The following SLC9A8 variants were observed in gnomAD, a reference collection of about 807,000 sequenced individuals.
SLC9A8 encodes the protein sodium/hydrogen exchanger 8.
SLC9A8 carries 48 observed loss-of-function variants against 66.6 expected under a neutral mutation model. That is an observed-to-expected ratio of 0.72 (90% confidence interval 0.57 to 0.92). The LOEUF (loss-of-function observed/expected upper bound fraction) is 0.92, where lower values mean the gene tolerates loss of function less well. SLC9A8 is among the 40% of genes least tolerant of loss of function. The pLI, the probability that SLC9A8 is intolerant of heterozygous loss-of-function variation, is 0.00. For missense variants in SLC9A8, 599 were observed against 747.3 expected (o/e 0.80, Z 2.31); for synonymous variants, 274 against 282.6 (o/e 0.97, Z 0.31).
At chr20:49,815,358 CTCT>C (rs1378429289) in intron 2 of SLC9A8, 169 bp downstream of exon 2, 6 of 444,400 alleles carry the variant, frequency 1.4e-5, no homozygotes, top group African/African-American at 8.1e-5. Context: ...ACAGGAAACT[CTCT>C]TCTTTATAAA....
At chr20:49,875,352 A>G (rs1474376128) in intron 11 of SLC9A8, among the ~76,000 whole-genome samples, 1 of 152,174 alleles carries the variant, frequency 6.6e-6, no homozygotes, top group African/African-American at 2.4e-5. Context: ...CTGGTTAAAT[A>G]AAGTTTAACA....
chr20:49,827,022 A>T (rs1387439499), intron 3 of SLC9A8, among the ~76,000 whole-genome samples: 1 of 150,466 alleles, frequency 6.6e-6, no homozygotes, highest in Non-Finnish European at 1.5e-5. Flanking sequence ...GCGCACTGCA[A>T]CCTCCGCCCC....
At position 49,819,977 on chromosome 20, in the gene SLC9A8, T is replaced by C. The variant is rs185325448; in HGVS notation, c.209-3084T>C. 2.0e-5 allele frequency among the ~76,000 whole-genome samples: 3 copies of C among 152,354 alleles called. No individual in the cohort carries two copies. The East Asian group carries it at 5.8e-4, about 29-fold the overall frequency. Reference sequence around the variant, plus strand: ...TGGATTGTTTCTACCTTTTGGCTGTTGTGAATACTGCTGCTGTGAACATTT... The same window carrying C: ...TGGATTGTTTCTACCTTTTGGCTGTCGTGAATACTGCTGCTGTGAACATTT... On this transcript the variant is annotated intron_variant, in intron 2 of 15. Transcript: ENST00000361573.
chr20:49,843,964 C>G (rs1355326186), intron 4 of SLC9A8, among the ~76,000 whole-genome samples: 1 of 146,452 alleles, frequency 6.8e-6, no homozygotes, highest in Non-Finnish European at 1.5e-5. Context: ...CCCCCCCTTT[C>G]TTCCTCTCTT....
At chr20:49,885,969 G>A (rs934452262) in intron 14 of SLC9A8, among the ~76,000 whole-genome samples, 2 of 152,216 alleles carry the variant, frequency 1.3e-5, no homozygotes, top group African/African-American at 4.8e-5. Context: ...GGTGGCTGCG[G>A]TGGGCTCAGT....
chr20:49,831,496 C>T (rs2146513628), intron 3 of SLC9A8, among the ~76,000 whole-genome samples: 1 of 152,140 alleles, frequency 6.6e-6, no homozygotes, highest in East Asian at 1.9e-4. Flanking sequence ...TTTTTTTCTT[C>T]TTCCAAGCTT....
chr20:49,850,658 G>A, intron 6 of SLC9A8, 152 bp from the exon 7 acceptor site: 1 of 871,506 alleles, frequency 1.1e-6, no homozygotes, highest in Non-Finnish European at 1.7e-6. Flanking sequence ...TTCAACTAAG[G>A]CTTAGGAGCT....
At chr20:49,828,800 C>CT (rs1326323865) in intron 3 of SLC9A8, among the ~76,000 whole-genome samples, 5 of 151,646 alleles carry the variant, frequency 3.3e-5, no homozygotes, top group Non-Finnish European at 7.4e-5. Flanking sequence ...GATTGTGCCA[C>CT]TGCACTCCAG....
intron 13 of SLC9A8, among the ~76,000 whole-genome samples, chr20:49,883,416 T>G (rs942320117): frequency 6.6e-6 from 1 of 152,170 alleles, no homozygotes; most frequent in African/African-American, 2.4e-5. Context: ...CTCATCTGTG[T>G]GTTGTGGACA....
intron 5 of SLC9A8, among the ~76,000 whole-genome samples, chr20:49,847,382 C>CTTTTT (rs11334417): frequency 1.1e-4 from 12 of 113,920 alleles, no homozygotes; most frequent in African/African-American, 1.7e-4. Context: ...TTTTTCTTTT[C>CTTTTT]TTTTTTTTTT....
chr20:49,880,531 A>G (rs534628628), intron 12 of SLC9A8, among the ~76,000 whole-genome samples: 4 of 152,278 alleles, frequency 2.6e-5, no homozygotes, highest in Admixed American at 2.6e-4. Flanking sequence ...GGTATGATCA[A>G]TGCAGCCCTG....
chr20:49,844,661 A>G (rs956611114), intron 4 of SLC9A8, among the ~76,000 whole-genome samples: 33 of 146,238 alleles, frequency 2.3e-4, no homozygotes, highest in African/African-American at 7.7e-4. Context: ...TTAGCCCGGC[A>G]TGGTAGCACG....
At chr20:49,846,290 A>G (rs2087986277) in intron 5 of SLC9A8, among the ~76,000 whole-genome samples, 1 of 152,196 alleles carries the variant, frequency 6.6e-6, no homozygotes, top group Non-Finnish European at 1.5e-5. Context: ...TACTAGTATT[A>G]ATAATACAGC....
chr20:49,835,370 A>G (rs1395452984), intron 3 of SLC9A8, among the ~76,000 whole-genome samples: 1 of 152,190 alleles, frequency 6.6e-6, no homozygotes, highest in Non-Finnish European at 1.5e-5. Context: ...TTCACATATC[A>G]TAAATTTCAC....
At chr20:49,835,551 A>T (rs373570771) in intron 3 of SLC9A8, among the ~76,000 whole-genome samples, 1 of 151,904 alleles carries the variant, frequency 6.6e-6, no homozygotes, top group African/African-American at 2.4e-5. Context: ...GAAACCACCA[A>T]TCTACTTTCT....
intron 13 of SLC9A8, among the ~76,000 whole-genome samples, chr20:49,882,602 C>G (rs896230178): frequency 3.9e-5 from 6 of 152,236 alleles, no homozygotes; most frequent in African/African-American, 1.4e-4. Context: ...CCCGCGAACC[C>G]AGACCTCCCT....
chr20:49,877,107 G>A (rs918868646), intron 11 of SLC9A8, among the ~76,000 whole-genome samples: 1 of 147,776 alleles, frequency 6.8e-6, no homozygotes, highest in Non-Finnish European at 1.5e-5. Flanking sequence ...GGCCAACACA[G>A]TGAAACCCTG....
At chr20:49,826,329 A>T (rs1413615392) in intron 3 of SLC9A8, among the ~76,000 whole-genome samples, 1 of 152,238 alleles carries the variant, frequency 6.6e-6, no homozygotes, top group African/African-American at 2.4e-5. Flanking sequence ...AAATATTGAG[A>T]TATCTACCAT....
intron 15 of SLC9A8, 103 bp from the exon 16 acceptor site, chr20:49,887,726 A>G: frequency 1.2e-6 from 1 of 829,708 alleles, no homozygotes; most frequent in Non-Finnish European, 1.9e-6. Context: ...CCTGCCTCCC[A>G]CCTCCTCCCT....
Sources: allele counts gnomAD v4.1 joint callset (sites outside exome capture counted in the v4.1 genomes callset), GRCh38; gene constraint gnomAD v4.1.1; transcripts MANE v1.5; gene names NCBI Gene and HGNC (gene_info 2026-07-23, HGNC 2026-07-21).